FNIP2: variants seen among roughly 807,000 people sequenced by gnomAD.
FNIP2 encodes folliculin-interacting protein 2.
In FNIP2, 32 loss-of-function variants were observed where a neutral mutation model predicts 108.7. The observed-to-expected ratio is 0.29, with a 90% confidence interval of 0.22 to 0.40. FNIP2 has a LOEUF of 0.40. Ranked by LOEUF, FNIP2 falls within the 10% of genes least tolerant of loss-of-function variation. FNIP2 has a pLI of 1.00. For synonymous variants in FNIP2, 480 were observed against 496.7 expected, an observed-to-expected ratio of 0.97 and a Z score of 0.45; for missense variants, 1,202 against 1,381.6, an observed-to-expected ratio of 0.87 and a Z score of 2.06.
At chr4:158,792,579 G>C (rs1205071472) in intron 1 of FNIP2, among the ~76,000 whole-genome samples, 1 of 152,140 alleles carries the variant, frequency 6.6e-6, no homozygotes, top group Non-Finnish European at 1.5e-5. Context: ...GCATGAAATA[G>C]GGTATCTTCC....
At chr4:158,875,853 T>C (rs891129887) in intron 14 of FNIP2, among the ~76,000 whole-genome samples, 2 of 152,124 alleles carry the variant, frequency 1.3e-5, no homozygotes, top group South Asian at 2.1e-4. Context: ...TCCACTGGCC[T>C]ATGGAGCACT....
chr4:158,818,776 A>G (rs1777715534), intron 1 of FNIP2, among the ~76,000 whole-genome samples: 1 of 152,242 alleles, frequency 6.6e-6, no homozygotes, highest in Non-Finnish European at 1.5e-5. Context: ...TCATAACTTA[A>G]TCTCTGTTTT....
intron 16 of FNIP2, among the ~76,000 whole-genome samples, chr4:158,896,243 A>C (rs1408267980): frequency 6.6e-6 from 1 of 152,064 alleles, no homozygotes; most frequent in African/African-American, 2.4e-5. Flanking sequence ...TTCCTGGAGG[A>C]GGAGTAGGTT....
intron 12 of FNIP2, among the ~76,000 whole-genome samples, chr4:158,866,236 T>TTTTTTTTTTTTTTTTTTA (rs1560813762): frequency 7.8e-6 from 1 of 127,418 alleles, no homozygotes; most frequent in African/African-American, 2.9e-5. Context: ...TTTTTTTTTT[T>TTTTTTTTTTTTTTTTTTA]GAGACAGAGT....
intron 1 of FNIP2, among the ~76,000 whole-genome samples, chr4:158,821,833 C>T (rs182066565): frequency 6.2e-4 from 94 of 152,266 alleles, no homozygotes; most frequent in African/African-American, 2.3e-3. Flanking sequence ...ATGTCAGTGT[C>T]TCACCGCACT....
rs745979992 is a variant in FNIP2, at chr4:158,847,198, C to T, written c.728-4123C>T. On this transcript the variant is annotated intron_variant, in intron 7 of 16. Transcript: ENST00000264433. ...ACCACAAGGACTGCAACTCCTGGGC[C>T]AGTTCTGATGCTGTGCTGGGCTCAG... Among the ~76,000 whole-genome samples the T allele has an allele frequency of 3.5e-4, 53 of 152,290 alleles. No homozygotes were observed. In the Middle Eastern group the frequency reaches 0.01, roughly 29 times the overall value.
At chr4:158,834,331 C>CTCTCTCTCTCTCTCTCTCTCT (rs1553959318) in intron 6 of FNIP2, 7 of 36,814 alleles carry the variant, frequency 1.9e-4, no homozygotes, top group Admixed American at 2.7e-4. Context: ...TCTCTCTCTC[C>CTCTCTCTCTCTCTCTCTCTCT]CTCTCTAAGT....
At chr4:158,780,789 C>G (rs2095064008) in intron 1 of FNIP2, among the ~76,000 whole-genome samples, 1 of 152,100 alleles carries the variant, frequency 6.6e-6, no homozygotes, top group African/African-American at 2.4e-5. Flanking sequence ...TCCCAGCACT[C>G]TGGGAGGCTG....
intron 1 of FNIP2, among the ~76,000 whole-genome samples, chr4:158,770,825 A>G (rs1561272196): frequency 6.6e-6 from 1 of 152,210 alleles, no homozygotes. Context: ...AGCATGTTAC[A>G]GGTGTCTGTA....
chr4:158,792,549 C>T (rs953801484), intron 1 of FNIP2, among the ~76,000 whole-genome samples: 5 of 152,032 alleles, frequency 3.3e-5, no homozygotes, highest in African/African-American at 1.2e-4. Flanking sequence ...ATGAGTTCAG[C>T]GTTAATGAAG....
intron 1 of FNIP2, among the ~76,000 whole-genome samples, chr4:158,807,476 C>A (rs1259739639): frequency 6.6e-6 from 1 of 152,114 alleles, no homozygotes; most frequent in African/African-American, 2.4e-5. Flanking sequence ...GTACTCCAGC[C>A]TGGGCAACCG....
Position 158,805,147 on chromosome 4 carries a change from A to G in FNIP2, c.108-20769A>G, listed in dbSNP as rs117700440. Among the ~76,000 whole-genome samples, 67 of 152,340 alleles carry G rather than the reference A, an allele frequency of 4.4e-4. No homozygotes were observed. In the East Asian group the frequency reaches 8.9e-3, roughly 20 times the overall value. On this transcript the variant is annotated intron_variant, in intron 1 of 16. Coordinates refer to ENST00000264433, the MANE Select transcript of FNIP2 (RefSeq NM_020840.3). ...AATTACTTTTGCACCAACCTAGTAC[A>G]AAGGTGCATTTAAAAATTGCTGAAG...
intron 3 of FNIP2, 35 bp downstream of exon 3, chr4:158,829,260 G>C (rs749431040): frequency 6.5e-7 from 1 of 1,532,672 alleles, no homozygotes; most frequent in South Asian, 1.3e-5. Context: ...TAGCCCCTGA[G>C]GTTAAAGTTA....
intron 14 of FNIP2, among the ~76,000 whole-genome samples, chr4:158,876,175 G>A (rs370879868): frequency 3.9e-5 from 6 of 152,038 alleles, no homozygotes; most frequent in East Asian, 1.9e-4. Flanking sequence ...TGATTCTCTC[G>A]CCTTCTCAAT....
At position 158,791,266 on chromosome 4, in the gene FNIP2, C is replaced by CTTTTTTTTTTTT. The variant is rs199714823; in HGVS notation, c.107+21965_107+21976dup. ...AGATGTTCCTTCTGCACTGAGGATC[C>CTTTTTTTTTTTT]TTTTTTTTTTTTTTTTTTTTTTTTT... On this transcript the variant is annotated intron_variant, in intron 1 of 16. Coordinates refer to ENST00000264433, the MANE Select transcript of FNIP2 (RefSeq NM_020840.3). 7.1e-5 allele frequency among the ~76,000 whole-genome samples: 7 copies of CTTTTTTTTTTTT among 98,052 alleles called. 1 individual carries two copies. Among genetic ancestry groups the CTTTTTTTTTTTT allele is most frequent in the Admixed American group, 1.3e-4 (1 of 7,648 alleles). 64.3% of individuals were successfully genotyped at this position (98,052 alleles called of 152,430 possible). A position where few individuals can be genotyped will look rare whatever the true frequency, so the allele number is the denominator to read the frequency against.
rs530118939 is a variant in FNIP2, at chr4:158,894,561, A to G, written c.3151-1189A>G. 1.9e-4 allele frequency among the ~76,000 whole-genome samples: 29 copies of G among 152,322 alleles called. No individual in the cohort carries two copies. In the South Asian group the frequency reaches 5.2e-3, roughly 27 times the overall value. ...TTCCACACTGCATCATACAGTTTTC[A>G]TATAGGCTGTGAACACTGTAATTAC... On this transcript the variant is annotated intron_variant, in intron 15 of 16. Coordinates refer to ENST00000264433, the MANE Select transcript of FNIP2 (RefSeq NM_020840.3).
At chr4:158,801,558 T>G (rs1249163981) in intron 1 of FNIP2, among the ~76,000 whole-genome samples, 1 of 152,194 alleles carries the variant, frequency 6.6e-6, no homozygotes, top group Non-Finnish European at 1.5e-5. Flanking sequence ...ACTGACAAAC[T>G]GTATACCTTG....
intron 14 of FNIP2, chr4:158,871,297 A>G: frequency 2.4e-6 from 2 of 831,094 alleles, no homozygotes; most frequent in Non-Finnish European, 2.9e-6. Flanking sequence ...ATGTGCAAAA[A>G]TAGACATTTT....
rs886353364 is a variant in FNIP2 at position 158,858,996 on chromosome 4, G to A, written c.858-61G>A. On this transcript the variant is annotated intron_variant, in intron 8 of 16. Coordinates refer to ENST00000264433, the MANE Select transcript of FNIP2 (RefSeq NM_020840.3). Reference sequence around the variant, plus strand: ...CTGGGTGTCATCCCCAGTCATTACAGTTGACCTTCAGTGTGACTCACTGAT... The same window carrying A: ...CTGGGTGTCATCCCCAGTCATTACAATTGACCTTCAGTGTGACTCACTGAT... 5.0e-6 allele frequency: 7 copies of A among 1,403,290 alleles called. No individual in the cohort carries two copies. In the African/African-American group the frequency reaches 9.9e-5, roughly 20 times the overall value. 86.9% of individuals were successfully genotyped at this position (1,403,290 alleles called of 1,614,324 possible).
Sources: allele counts gnomAD v4.1 joint callset (sites outside exome capture counted in the v4.1 genomes callset), GRCh38; gene constraint gnomAD v4.1.1; transcripts MANE v1.5; gene names NCBI Gene and HGNC (gene_info 2026-07-23, HGNC 2026-07-21).